Variants in NEK8 observed in about 807,000 individuals in gnomAD.
NEK8 encodes the protein serine/threonine-protein kinase Nek8.
Under a neutral mutation model 77.2 loss-of-function variants are expected in NEK8, and 51 were observed. The observed-to-expected ratio is 0.66, with a 90% confidence interval of 0.53 to 0.83. The LOEUF (loss-of-function observed/expected upper bound fraction) is 0.83. Among genes scored for constraint, NEK8 ranks in the 40% least tolerant of loss-of-function variants. The probability of loss-of-function intolerance (pLI) is 0.00; values close to 1 mark genes in which losing one functional copy is unlikely to be tolerated. For missense variants in NEK8, 787 were observed against 909.2 expected, an observed-to-expected ratio of 0.87 and a Z score of 1.73; for synonymous variants, 365 against 363.2, an observed-to-expected ratio of 1.00 and a Z score of -0.06.
At chr17:28,733,423 T>A (rs1306770043) in intron 1 of NEK8, among the ~76,000 whole-genome samples, 1 of 152,216 alleles carries the variant, frequency 6.6e-6, no homozygotes, top group Non-Finnish European at 1.5e-5. Flanking sequence ...GTCCACTCAT[T>A]CAACAAATAC....
At chr17:28,739,656 C>T (rs2034400502) in intron 10 of NEK8, among the ~76,000 whole-genome samples, 1 of 152,146 alleles carries the variant, frequency 6.6e-6, no homozygotes, top group South Asian at 2.1e-4. Flanking sequence ...ACCATCTTGG[C>T]CAGGCTGGTC....
chr17:28,739,013 T>C (rs2034394594), intron 9 of NEK8, 71 bp from the exon 10 acceptor site: 1 of 1,131,532 alleles, frequency 8.8e-7, no homozygotes, highest in East Asian at 2.3e-5. Flanking sequence ...GCTTTGTCCC[T>C]ACAGGGGGTG....
intron 4 of NEK8, 51 bp downstream of exon 4, chr17:28,735,422 C>T (rs761266553): frequency 4.4e-6 from 7 of 1,589,818 alleles, no homozygotes; most frequent in Admixed American, 1.7e-5. Flanking sequence ...CTGCCTCGCC[C>T]AGCAGCCCTT....
chr17:28,733,029 A>C (rs1179438838), intron 1 of NEK8: 2 of 147,840 alleles, frequency 1.4e-5, no homozygotes, highest in Non-Finnish European at 3.0e-5. Context: ...GCTTGCCACC[A>C]TGCTCAGCTA....
rs2034352341 is a variant in NEK8 at position 28,735,263 on chromosome 17, C to A, written c.510C>A (p.Ile170=). Residue 170 remains isoleucine (I), a synonymous_variant, in exon 4 of 15, where the codon ATC becomes ATA. Transcript: ENST00000268766. The part of the protein sequence containing the change: ...AYTVVGTPCY[I]SPELCEGKPY... ...AGGTGGTGGGTACCCCATGCTATATCTCCCCTGAGCTGTGTGAGGGCAAGC... is the reference window on the plus strand; with the variant it reads ...AGGTGGTGGGTACCCCATGCTATATATCCCCTGAGCTGTGTGAGGGCAAGC... The A allele has an allele frequency of 1.2e-6, 2 of 1,614,148 alleles. No homozygotes were observed. Among genetic ancestry groups the A allele is most frequent in the East Asian group, 4.5e-5 (2 of 44,884 alleles).
chr17:28,741,362 G>A lies in NEK8; in HGVS notation c.1892-51G>A. 6.2e-7 allele frequency: 1 copy of A among 1,604,922 alleles called. No homozygotes were observed. Among genetic ancestry groups the A allele is most frequent in the Non-Finnish European group, 8.5e-7 (1 of 1,175,396 alleles). ...CTGGCAATGTGGGAGGGGAGATCCT[G>A]CTCGGGCTGTGCCCACTTCCCACTT... is the stretch of plus-strand genomic sequence containing the variant. On this transcript the variant is annotated intron_variant, in intron 13 of 14. Coordinates refer to ENST00000268766, the MANE Select transcript of NEK8 (RefSeq NM_178170.3). This position sits in a 1 kb window ranked among gnomAD's most constrained non-coding sequence, Gnocchi z 4.5.
intron 1 of NEK8, among the ~76,000 whole-genome samples, chr17:28,729,667 C>T (rs574404502): frequency 3.8e-4 from 57 of 151,630 alleles, no homozygotes; most frequent in African/African-American, 1.3e-3. Context: ...CTCAGCCTCC[C>T]GAGTAGCTGG....
In NEK8 at chr17:28,737,714, G is replaced by A. The variant is rs762949669; in HGVS notation, c.867G>A (p.Arg289=). Residue 289 remains arginine, a synonymous_variant, in exon 6 of 15, where the codon AGG becomes AGA. Coordinates refer to ENST00000268766, the MANE Select transcript of NEK8 (RefSeq NM_178170.3). The surrounding 1 kb of genome is among the most constrained non-coding windows in gnomAD (Gnocchi z 4.8). ...KSVAPSNTGS[R]TTSVRCRGIP... is the part of the protein sequence containing the mutation. Reference sequence around the variant, plus strand: ...TGGCCCCCAGCAACACAGGGAGCAGGACCACCAGTGTCCGCTGCAGAGGTA... The same window carrying A: ...TGGCCCCCAGCAACACAGGGAGCAGAACCACCAGTGTCCGCTGCAGAGGTA... 32 of 1,614,118 alleles carry A rather than the reference G, an allele frequency of 2.0e-5. No homozygotes were observed. In the South Asian group the frequency reaches 3.3e-4, roughly 17 times the overall value.
intron 1 of NEK8, among the ~76,000 whole-genome samples, chr17:28,732,545 C>CTTTTTTTTTTTTTT (rs1054257308): frequency 1.0e-4 from 8 of 77,910 alleles, no homozygotes; most frequent in Admixed American, 1.8e-4. Context: ...TTTTTCTTTT[C>CTTTTTTTTTTTTTT]TTTTTTTTTT....
chr17:28,729,130 G>A (rs571697593), intron 1 of NEK8, among the ~76,000 whole-genome samples: 1 of 152,380 alleles, frequency 6.6e-6, no homozygotes, highest in Admixed American at 6.5e-5. Context: ...ATGTATGTCA[G>A]GCTTTGGCCG....
At position 28,738,211 on chromosome 17, in the gene NEK8, G is replaced by T; in HGVS notation, c.1188G>T (p.Val396=). The change falls in exon 8 of 15, where the codon GTG becomes GTT. Residue 396 remains valine (V), a synonymous_variant. Transcript: ENST00000268766. ...EGQSGVTIKH[V]ACGDFFTACL... ...AGTCGGGTGTGACCATCAAGCACGTGGCCTGTGGGGACTTCTTCACTGCCT... is the reference window on the plus strand; with the variant it reads ...AGTCGGGTGTGACCATCAAGCACGTTGCCTGTGGGGACTTCTTCACTGCCT... 1 of 1,614,176 alleles carries T rather than the reference G, an allele frequency of 6.2e-7. No homozygotes were observed. Among genetic ancestry groups the T allele is most frequent in the Non-Finnish European group, 8.5e-7 (1 of 1,180,022 alleles).
Position 28,734,785 on chromosome 17 carries a change from T to C in NEK8, c.267T>C (p.Ala89=). ...CTTGGGCCACAGGCGGCACTCTGGCTGAGTTCATCCAAAAGCGCTGTAATT... is the reference window on the plus strand; with the variant it reads ...CTTGGGCCACAGGCGGCACTCTGGCCGAGTTCATCCAAAAGCGCTGTAATT... ...AMEYAPGGTL[A]EFIQKRCNSL... is the part of the protein sequence containing the mutation. The change falls in exon 3 of 15, where the codon GCT becomes GCC. Residue 89 remains alanine, a synonymous_variant. Transcript: ENST00000268766. The C allele has an allele frequency of 6.2e-7, 1 of 1,613,558 alleles. No homozygotes were observed. The highest frequency in any genetic ancestry group is 8.5e-7 in the Non-Finnish European group (1 of 1,179,868).
chr17:28,736,264 A>C (rs1253352102), intron 4 of NEK8, among the ~76,000 whole-genome samples: 1 of 152,156 alleles, frequency 6.6e-6, no homozygotes, highest in Non-Finnish European at 1.5e-5. Flanking sequence ...TAGCAGCATG[A>C]TTTATAATCC....
chr17:28,729,274 T>A (rs2034282311), intron 1 of NEK8, among the ~76,000 whole-genome samples: 1 of 152,208 alleles, frequency 6.6e-6, no homozygotes, highest in Admixed American at 6.5e-5. Context: ...TATTAGCAGG[T>A]TGTGAGGATA....
chr17:28,737,876 C>T lies in NEK8; in HGVS notation c.947C>T (p.Ala316Val). 2 of 1,613,934 alleles carry T rather than the reference C, an allele frequency of 1.2e-6. No homozygotes were observed. Among genetic ancestry groups the T allele is most frequent in the Non-Finnish European group, 1.7e-6 (2 of 1,180,004 alleles). The change falls in exon 7 of 15, where the codon GCC becomes GTC. Residue 316 changes from alanine (A) to valine (V), a missense_variant. This residue lies in a region of NEK8 where 516 missense variants were observed against 544.0 expected (regional missense o/e 0.95). Transcript: ENST00000268766. This position sits in a 1 kb window ranked among gnomAD's most constrained non-coding sequence, Gnocchi z 4.8. Reference sequence around the variant, plus strand: ...CCACCACCACTGTCGTCAGTGTATGCCTGGGGTGGTGGGCTGGGCACCCCC... The same window carrying T: ...CCACCACCACTGTCGTCAGTGTATGTCTGGGGTGGTGGGCTGGGCACCCCC... ...AIPPPLSSVYAWGGGLGTPLR... is the reference protein window; with the variant it reads ...AIPPPLSSVYVWGGGLGTPLR...
Position 28,737,664 on chromosome 17 carries a change from C to T in NEK8, c.828-11C>T. ...AGGGTCTTTGTCCTTAGGCCCCCAT[C>T]TGTCCTGCAGGGCAGAGAAGTCCGT... On this transcript the variant is annotated splice_polypyrimidine_tract_variant and intron_variant, in intron 5 of 14. Transcript: ENST00000268766. This position sits in a 1 kb window ranked among gnomAD's most constrained non-coding sequence, Gnocchi z 4.8. 1 of 1,614,196 alleles carries T rather than the reference C, an allele frequency of 6.2e-7. No homozygotes were observed.
chr17:28,738,363 G>C, intron 8 of NEK8, 118 bp downstream of exon 8: 1 of 1,251,150 alleles, frequency 8.0e-7, no homozygotes, highest in Non-Finnish European at 1.2e-6. Flanking sequence ...TCGAGTTATT[G>C]CTTCTGTCTA....
In NEK8 at chr17:28,741,538, T is replaced by C. The variant is rs2034423383; in HGVS notation, c.2017T>C (p.Cys673Arg). The C allele has an allele frequency of 1.2e-6, 2 of 1,614,024 alleles. No homozygotes were observed. Among genetic ancestry groups the C allele is most frequent in the Admixed American group, 1.7e-5 (1 of 60,008 alleles). ...THPYTVTSVSCCHGNTLLAVR... is the reference protein window; with the variant it reads ...THPYTVTSVSRCHGNTLLAVR... ...CCCTTACACGGTGACTTCCGTGTCC[T>C]GTTGCCATGGAAACACCCTCCTGGC... The change falls in exon 14 of 15, where the codon TGT (cysteine) becomes CGT (arginine). Residue 673 changes from cysteine to arginine, a missense_variant. Around this residue, in one of 2 missense-constraint regions of NEK8, gnomAD observed 516 missense variants for 544.0 expected, o/e 0.95. Transcript: ENST00000268766. This position sits in a 1 kb window ranked among gnomAD's most constrained non-coding sequence, Gnocchi z 4.5.
At chr17:28,729,931 C>T (rs1279559307) in intron 1 of NEK8, among the ~76,000 whole-genome samples, 4 of 152,024 alleles carry the variant, frequency 2.6e-5, no homozygotes, top group East Asian at 1.9e-4. Flanking sequence ...AAGGAAATAG[C>T]GTATGTGAAA....
Sources: allele counts gnomAD v4.1 joint callset (sites outside exome capture counted in the v4.1 genomes callset), GRCh38; gene constraint gnomAD v4.1.1; regional missense constraint gnomAD v4.1.1; non-coding constraint Gnocchi (gnomAD v3.1); transcripts MANE v1.5; gene names NCBI Gene and HGNC (gene_info 2026-07-23, HGNC 2026-07-21).